Variants in PARD3 observed in about 807,000 individuals in gnomAD.
The protein encoded by PARD3 is par-3 family cell polarity regulator.
PARD3 carries 75 observed loss-of-function variants against 155.4 expected under a neutral mutation model. The ratio of observed to expected loss-of-function variants is 0.48; its 90% CI spans 0.40 to 0.58. PARD3 has a LOEUF of 0.58. PARD3 is among the 20% of genes least tolerant of loss of function. The probability of loss-of-function intolerance (pLI) is 0.00; values close to 1 mark genes in which losing one functional copy is unlikely to be tolerated. For missense variants in PARD3, 1,642 were observed against 1,721.7 expected (o/e 0.95, Z 0.82); for synonymous variants, 576 against 610.5 (o/e 0.94, Z 0.83).
intron 1 of PARD3, among the ~76,000 whole-genome samples, chr10:34,805,560 TATATATAC>T (rs1843272765): frequency 6.7e-6 from 1 of 148,296 alleles, no homozygotes; most frequent in African/African-American, 2.5e-5. Context: ...TATATATATA[TATATATAC>T]ACCGTACAGT....
chr10:34,182,710 A>C (rs1321489171), intron 22 of PARD3, among the ~76,000 whole-genome samples: 1 of 149,128 alleles, frequency 6.7e-6, no homozygotes, highest in Non-Finnish European at 1.5e-5. Flanking sequence ...AATAAGTGGC[A>C]CTTTGTTGGT....
chr10:34,264,589 C>T (rs958699515), intron 22 of PARD3, among the ~76,000 whole-genome samples: 1 of 152,068 alleles, frequency 6.6e-6, no homozygotes, highest in African/African-American at 2.4e-5. Context: ...AATGAGTCAG[C>T]CCCATTTCAC....
intron 22 of PARD3, among the ~76,000 whole-genome samples, chr10:34,230,872 T>A (rs1380869123): frequency 6.6e-6 from 1 of 151,932 alleles, no homozygotes; most frequent in Non-Finnish European, 1.5e-5. Context: ...TATCAAAAAA[T>A]TTAAACATAG....
intron 2 of PARD3, among the ~76,000 whole-genome samples, chr10:34,592,006 C>G (rs1035831346): frequency 4.6e-5 from 7 of 152,162 alleles, no homozygotes; most frequent in African/African-American, 1.7e-4. Context: ...AGAACACACT[C>G]CAGTAAACGC....
intron 3 of PARD3, among the ~76,000 whole-genome samples, chr10:34,510,053 T>C (rs1156689563): frequency 1.3e-5 from 2 of 152,232 alleles, no homozygotes; most frequent in African/African-American, 4.8e-5. Flanking sequence ...GGATCACTAA[T>C]TGGTGTTTAG....
intron 5 of PARD3, among the ~76,000 whole-genome samples, chr10:34,404,992 CAGG>C (rs1844285841): frequency 6.6e-6 from 1 of 151,768 alleles, no homozygotes; most frequent in Non-Finnish European, 1.5e-5. Flanking sequence ...AGCTTGAGCC[CAGG>C]AGTTCAAGGC....
intron 2 of PARD3, among the ~76,000 whole-genome samples, chr10:34,555,978 G>C (rs2084948507): frequency 6.6e-6 from 1 of 152,218 alleles, no homozygotes; most frequent in African/African-American, 2.4e-5. Flanking sequence ...AGGACAGAGA[G>C]AGAGATCTCT....
At chr10:34,300,024 A>G (rs934658204) in intron 20 of PARD3, among the ~76,000 whole-genome samples, 1 of 152,216 alleles carries the variant, frequency 6.6e-6, no homozygotes, top group Non-Finnish European at 1.5e-5. Flanking sequence ...GAATGCAATA[A>G]CCGGAGAGTA....
At chr10:34,736,521 C>G (rs567441859) in intron 1 of PARD3, among the ~76,000 whole-genome samples, 2 of 151,670 alleles carry the variant, frequency 1.3e-5, no homozygotes, top group African/African-American at 2.4e-5. Context: ...GCAGACAAAG[C>G]TATAAAAGAA....
rs968283088 is a variant in PARD3, at chr10:34,317,100, G to A, written c.3065+7C>T. The A allele has an allele frequency of 4.0e-5, 62 of 1,545,510 alleles. No homozygotes were observed. In the East Asian group the frequency reaches 1.4e-3, roughly 35 times the overall value. ...GGAGATTCTGGTTTGGGATGGTAAC[G>A]ACTTACCTGAACATGTCTCCCAAGC... On this transcript the variant is annotated splice_region_variant and intron_variant, in intron 20 of 24. Coordinates refer to ENST00000374788, the MANE Select transcript of PARD3 (RefSeq NM_001184785.2).
chr10:34,373,718 CA>C (rs1840931995), intron 11 of PARD3, among the ~76,000 whole-genome samples: 1 of 151,952 alleles, frequency 6.6e-6, no homozygotes, highest in African/African-American at 2.4e-5. Flanking sequence ...CTACTTAAAA[CA>C]AAAGTGTTCA....
At chr10:34,145,639 C>G (rs2132911691) in intron 22 of PARD3, among the ~76,000 whole-genome samples, 1 of 152,164 alleles carries the variant, frequency 6.6e-6, no homozygotes, top group Non-Finnish European at 1.5e-5. Flanking sequence ...TCAATAGCCT[C>G]CTGTTCATCT....
chr10:34,180,912 G>A (rs1225888364), intron 22 of PARD3, among the ~76,000 whole-genome samples: 1 of 152,022 alleles, frequency 6.6e-6, no homozygotes, highest in African/African-American at 2.4e-5. Context: ...CAAGTGCAAA[G>A]GCCCTGGAGC....
At chr10:34,609,370 G>C (rs1156795099) in intron 2 of PARD3, among the ~76,000 whole-genome samples, 1 of 152,164 alleles carries the variant, frequency 6.6e-6, no homozygotes, top group African/African-American at 2.4e-5. Context: ...CTGTAGGGCA[G>C]GTTTTGTAAA....
chr10:34,384,896 G>A (rs549486069), intron 7 of PARD3, among the ~76,000 whole-genome samples: 1 of 152,298 alleles, frequency 6.6e-6, no homozygotes, highest in East Asian at 1.9e-4. Flanking sequence ...AAACGTCAGT[G>A]AGAGGTTCAA....
intron 6 of PARD3, among the ~76,000 whole-genome samples, chr10:34,400,982 C>G (rs1843818810): frequency 6.6e-6 from 1 of 152,172 alleles, no homozygotes; most frequent in South Asian, 2.1e-4. Flanking sequence ...ATGGCAAGTA[C>G]TTTACTAAAT....
At chr10:34,812,536 A>C (rs78472250) in intron 1 of PARD3, among the ~76,000 whole-genome samples, 1,924 of 152,342 alleles carry the variant, frequency 0.013, 25 homozygotes, top group South Asian at 0.049. Context: ...AGAAAGACTA[A>C]AAATTAATCT....
chr10:34,111,282 T>C lies in PARD3; in HGVS notation c.3949A>G (p.Ser1317Gly). The C allele has an allele frequency of 6.2e-7, 1 of 1,613,948 alleles. No individual in the cohort carries two copies. Among genetic ancestry groups the C allele is most frequent in the Non-Finnish European group, 8.5e-7 (1 of 1,179,842 alleles). ...YDSYKKVQDP[S>G]YAPPKGPFRQ... ...AAGGGCCCCTTGGGAGGGGCGTAAC[T>C]GGGGTCCTGGACTTTCTTATACGAG... is the stretch of plus-strand genomic sequence containing the variant. The change falls in exon 25 of 25, where the codon AGT becomes GGT. Residue 1317 changes from serine to glycine, a missense_variant. Physicochemically the swap from Ser to Gly is moderately conservative, Grantham distance 56 (BLOSUM62 0). Around this residue, in one of 3 missense-constraint regions of PARD3, gnomAD observed 1,529 missense variants for 1,587.3 expected, o/e 0.96. Transcript: ENST00000374788.
At chr10:34,731,032 T>C (rs2094807580) in intron 1 of PARD3, among the ~76,000 whole-genome samples, 1 of 152,194 alleles carries the variant, frequency 6.6e-6, no homozygotes. Flanking sequence ...TACAAACTTC[T>C]ACGGGCAGGG....
Sources: allele counts gnomAD v4.1 joint callset (sites outside exome capture counted in the v4.1 genomes callset), GRCh38; gene constraint gnomAD v4.1.1; regional missense constraint gnomAD v4.1.1; transcripts MANE v1.5; gene names NCBI Gene and HGNC (gene_info 2026-07-23, HGNC 2026-07-21).